FHOD3: variants seen among roughly 807,000 people sequenced by gnomAD.
FHOD3 encodes FH1/FH2 domain-containing protein 3.
In FHOD3, 90 loss-of-function variants were observed where a neutral mutation model predicts 173.0. That is an observed-to-expected ratio of 0.52 (90% confidence interval 0.44 to 0.62). The LOEUF is 0.62. Among genes scored for constraint, FHOD3 ranks in the 20% least tolerant of loss-of-function variants. FHOD3 has a pLI of 0.00. For synonymous variants in FHOD3, 828 were observed against 823.0 expected (o/e 1.01, Z -0.10); for missense variants, 1,945 against 2,034.7 (o/e 0.96, Z 0.85).
At chr18:36,552,042 T>C (rs1173670675) in intron 5 of FHOD3, among the ~76,000 whole-genome samples, 2 of 152,200 alleles carry the variant, frequency 1.3e-5, no homozygotes, top group Non-Finnish European at 2.9e-5. Context: ...AGAAAGTCAT[T>C]GGTAGCTTGT....
chr18:36,734,731 A>C (rs2041549183), intron 20 of FHOD3, among the ~76,000 whole-genome samples: 1 of 152,170 alleles, frequency 6.6e-6, no homozygotes, highest in Non-Finnish European at 1.5e-5. Flanking sequence ...GGGTACATAC[A>C]GATCTTTGTT....
At chr18:36,485,234 C>G (rs1277939983) in intron 3 of FHOD3, among the ~76,000 whole-genome samples, 1 of 152,208 alleles carries the variant, frequency 6.6e-6, no homozygotes, top group East Asian at 1.9e-4. Flanking sequence ...ATAGTTCCAC[C>G]AGCGATGAGC....
intron 27 of FHOD3, among the ~76,000 whole-genome samples, chr18:36,763,428 T>C (rs2042995701): frequency 6.8e-6 from 1 of 148,050 alleles, no homozygotes; most frequent in Non-Finnish European, 1.5e-5. Context: ...ATAATATGCG[T>C]ATTATACACG....
chr18:36,348,267 G>T (rs1045360816), intron 1 of FHOD3, among the ~76,000 whole-genome samples: 1 of 152,172 alleles, frequency 6.6e-6, no homozygotes, highest in Non-Finnish European at 1.5e-5. Flanking sequence ...TACCATTTGA[G>T]GGGGGAAACA....
chr18:36,448,296 G>A (rs189648336), intron 3 of FHOD3, among the ~76,000 whole-genome samples: 1 of 152,132 alleles, frequency 6.6e-6, no homozygotes, highest in Non-Finnish European at 1.5e-5. Context: ...GTTCATAAAG[G>A]GTAGGGTAGA....
At chr18:36,333,164 A>G (rs1368383927) in intron 1 of FHOD3, among the ~76,000 whole-genome samples, 2 of 152,216 alleles carry the variant, frequency 1.3e-5, no homozygotes, top group African/African-American at 4.8e-5. Flanking sequence ...GGTTTATACC[A>G]TAATCGGCAA....
chr18:36,532,459 G>T (rs1380418852), intron 5 of FHOD3, among the ~76,000 whole-genome samples: 1 of 152,170 alleles, frequency 6.6e-6, no homozygotes, highest in African/African-American at 2.4e-5. Context: ...GTGTCTTTGG[G>T]CTGTCATGCC....
intron 3 of FHOD3, among the ~76,000 whole-genome samples, chr18:36,493,259 C>T (rs535503282): frequency 3.4e-5 from 5 of 147,666 alleles, no homozygotes; most frequent in Non-Finnish European, 7.4e-5. Flanking sequence ...GCCATAACTC[C>T]AACAAGCTTC....
At chr18:36,719,769 C>A (rs1568668468) in intron 19 of FHOD3, among the ~76,000 whole-genome samples, 1 of 152,182 alleles carries the variant, frequency 6.6e-6, no homozygotes, top group Non-Finnish European at 1.5e-5. Context: ...ATGCAGGATC[C>A]TCAGAACAAG....
intron 2 of FHOD3, among the ~76,000 whole-genome samples, chr18:36,369,201 G>A (rs1229086402): frequency 6.6e-6 from 1 of 152,114 alleles, no homozygotes; most frequent in Non-Finnish European, 1.5e-5. Flanking sequence ...TGGAAAGGCA[G>A]GGATAAAATG....
chr18:36,365,513 G>A (rs1194944942), intron 2 of FHOD3, among the ~76,000 whole-genome samples: 1 of 152,054 alleles, frequency 6.6e-6, no homozygotes, highest in African/African-American at 2.4e-5. Flanking sequence ...CTCTTGCTGA[G>A]TGTGGGGACA....
intron 1 of FHOD3, among the ~76,000 whole-genome samples, chr18:36,335,008 TCC>T (rs2145303919): frequency 6.6e-6 from 1 of 152,294 alleles, no homozygotes; most frequent in East Asian, 1.9e-4. Context: ...CTGAGGCCTG[TCC>T]CTACCCCTTG....
At chr18:36,753,020 A>C (rs2042471521) in intron 24 of FHOD3, among the ~76,000 whole-genome samples, 1 of 152,186 alleles carries the variant, frequency 6.6e-6, no homozygotes, top group Non-Finnish European at 1.5e-5. Flanking sequence ...ATAAATGGTT[A>C]GGTAGTGACC....
chr18:36,393,889 T>G (rs62086162), intron 3 of FHOD3, among the ~76,000 whole-genome samples: 25,866 of 152,188 alleles, frequency 0.17, 2,358 homozygotes, highest in Middle Eastern at 0.34. Flanking sequence ...GTTAATCCAC[T>G]TGGATCCACA....
intron 8 of FHOD3, among the ~76,000 whole-genome samples, chr18:36,605,382 C>T (rs1356439843): frequency 6.6e-6 from 1 of 152,210 alleles, no homozygotes; most frequent in Non-Finnish European, 1.5e-5. Context: ...GACCCAGTGC[C>T]TGTCACCCTC....
intron 6 of FHOD3, among the ~76,000 whole-genome samples, chr18:36,589,301 A>G (rs2059135171): frequency 6.6e-6 from 1 of 152,242 alleles, no homozygotes; most frequent in Admixed American, 6.5e-5. Context: ...ACAACTAAAA[A>G]TGGAATACTA....
intron 7 of FHOD3, among the ~76,000 whole-genome samples, chr18:36,595,460 AC>A (rs2030177319): frequency 6.6e-6 from 1 of 150,450 alleles, no homozygotes; most frequent in Non-Finnish European, 1.5e-5. Context: ...TCACCCTTCA[AC>A]TCCTGCCCAG....
intron 5 of FHOD3, among the ~76,000 whole-genome samples, chr18:36,534,766 C>T (rs78372122): frequency 9.7e-4 from 148 of 152,286 alleles, no homozygotes; most frequent in Non-Finnish European, 1.6e-3. Flanking sequence ...TTTTACAAAG[C>T]GCTGCTGAAC....
At chr18:36,508,449 CAG>C (rs1406623999) in intron 4 of FHOD3, among the ~76,000 whole-genome samples, 1 of 152,012 alleles carries the variant, frequency 6.6e-6, no homozygotes, top group Middle Eastern at 3.2e-3. Context: ...ACATCTTATA[CAG>C]AGAGCAAGAA....
Sources: allele counts gnomAD v4.1 joint callset (sites outside exome capture counted in the v4.1 genomes callset), GRCh38; gene constraint gnomAD v4.1.1; transcripts MANE v1.5; gene names NCBI Gene and HGNC (gene_info 2026-07-23, HGNC 2026-07-21).